FAM234A: variants seen among roughly 807,000 people sequenced by gnomAD.
FAM234A encodes protein FAM234A.
Under a neutral mutation model 49.1 loss-of-function variants are expected in FAM234A, and 42 were observed. The observed-to-expected ratio is 0.86, with a 90% confidence interval of 0.67 to 1.11. FAM234A has a LOEUF of 1.11. FAM234A is among the 50% of genes least tolerant of loss of function. The pLI is 0.00. For missense variants in FAM234A, 815 were observed against 745.2 expected (o/e 1.09, Z -1.09); for synonymous variants, 369 against 316.2 (o/e 1.17, Z -1.77).
At position 265,183 on chromosome 16, in the gene FAM234A, C is replaced by T. The variant is rs887854352; in HGVS notation, c.*161C>T. On this transcript the variant is annotated 3_prime_UTR_variant, in exon 13 of 13. Coordinates refer to ENST00000399932, the MANE Select transcript of FAM234A (RefSeq NM_032039.4). ...GCCTTACCAGTCCTCCATGATCACA[C>T]CCAGGGACCTGCATGGGTGAGGGGA... 75 of 1,422,298 alleles carry T rather than the reference C, an allele frequency of 5.3e-5. 1 individual carries two copies. The African/African-American group carries it at 9.2e-4, about 17-fold the overall frequency. The allele number at this position is 1,422,298 out of a possible 1,614,324, so 88.1% of individuals were successfully genotyped here. A position where few individuals can be genotyped will look rare whatever the true frequency, so the allele number is the denominator to read the frequency against.
At chr16:269,596 C>T (rs199521531), downstream of FAM234A, 11 of 1,607,086 alleles carry the variant, frequency 6.8e-6, no homozygotes, top group African/African-American at 1.5e-4. Context: ...CTACAAGAGA[C>T]AGCGTCCAGC....
chr16:246,699 G>T (rs1351714708), intron 1 of FAM234A, among the ~76,000 whole-genome samples: 1 of 150,920 alleles, frequency 6.6e-6, no homozygotes, highest in East Asian at 1.9e-4. Flanking sequence ...TATTACAGGC[G>T]TGAGCCACCA....
At chr16:249,849 C>T (rs997804787) in intron 2 of FAM234A, among the ~76,000 whole-genome samples, 195 bp downstream of exon 2, 45 of 152,122 alleles carry the variant, frequency 3.0e-4, no homozygotes, top group African/African-American at 9.9e-4. Context: ...AGTTTAAAGC[C>T]GTAAAGATAG....
At position 249,641 on chromosome 16, in the gene FAM234A, A is replaced by G. The variant is rs1468500713; in HGVS notation, c.-47A>G. 6.6e-6 allele frequency: 1 copy of G among 151,728 alleles called. No homozygotes were observed. The highest frequency in any genetic ancestry group is 1.5e-5 in the Non-Finnish European group (1 of 68,016). The allele number at this position is 151,728 out of a possible 1,614,324, so 9.4% of individuals were successfully genotyped here. A position where few individuals can be genotyped will look rare whatever the true frequency, so the allele number is the denominator to read the frequency against. ...TCCACATCGAGGACGTCCTCCGGGC[A>G]CTCCCACGACCAGGTAGGTGAGGAC... On this transcript the variant is annotated 5_prime_UTR_variant, in exon 2 of 13. Coordinates refer to ENST00000399932, the MANE Select transcript of FAM234A (RefSeq NM_032039.4).
intron 2 of FAM234A, chr16:254,130 GA>G: frequency 2.3e-6 from 1 of 442,100 alleles, no homozygotes; most frequent in Non-Finnish European, 4.1e-6. Context: ...GCGTGTTCTG[GA>G]TGAAAATAGT....
At chr16:235,177 T>G (rs2142157674) in intron 1 of FAM234A, among the ~76,000 whole-genome samples, 1 of 152,280 alleles carries the variant, frequency 6.6e-6, no homozygotes, top group East Asian at 1.9e-4. Flanking sequence ...TACCTCCCGG[T>G]AGGGAGCTCC....
At chr16:268,185 A>C (rs2051759817), downstream of FAM234A, 1 of 171,484 alleles carries the variant, frequency 5.8e-6, no homozygotes, top group African/African-American at 2.4e-5. Flanking sequence ...CACTACACAC[A>C]ATCACACACG....
chr16:263,564 A>C, intron 9 of FAM234A, 136 bp from the exon 10 acceptor site: 2 of 1,281,818 alleles, frequency 1.6e-6, no homozygotes, highest in South Asian at 2.6e-5. Context: ...CTTGCCCCAG[A>C]CGTCGGCTCC....
intron 9 of FAM234A, 45 bp downstream of exon 9, chr16:263,447 C>T (rs375884118): frequency 4.8e-5 from 77 of 1,595,376 alleles, no homozygotes; most frequent in South Asian, 1.5e-4. Context: ...CACCCCTTCC[C>T]GGCATCCCGG....
At chr16:237,893 G>A (rs779843432) in intron 1 of FAM234A, among the ~76,000 whole-genome samples, 2 of 151,744 alleles carry the variant, frequency 1.3e-5, no homozygotes, top group East Asian at 1.9e-4. Flanking sequence ...TAGTAAAGAC[G>A]GGGTTTCACC....
chr16:266,678 G>A (rs1322337344), downstream of FAM234A, among the ~76,000 whole-genome samples: 1 of 152,224 alleles, frequency 6.6e-6, no homozygotes, highest in Non-Finnish European at 1.5e-5. Flanking sequence ...GGGGGACGTG[G>A]GGGATGAGGT....
chr16:239,651 G>T (rs1286651186), intron 1 of FAM234A, among the ~76,000 whole-genome samples: 3 of 151,940 alleles, frequency 2.0e-5, no homozygotes, highest in Admixed American at 6.6e-5. Flanking sequence ...AATTTGTGGG[G>T]GAGTTGCAGG....
chr16:269,129 A>G (rs1439137278), downstream of FAM234A: 1 of 898,208 alleles, frequency 1.1e-6, no homozygotes, highest in Non-Finnish European at 1.8e-6. Context: ...CACCCCACAG[A>G]AGACTGGGCC....
chr16:269,579 A>T (rs145907522), downstream of FAM234A: 1 of 1,612,766 alleles, frequency 6.2e-7, no homozygotes, highest in African/African-American at 1.3e-5. Context: ...AACCTTGGGT[A>T]GGAGTCCTAC....
intron 1 of FAM234A, among the ~76,000 whole-genome samples, chr16:241,266 A>G (rs973920980): frequency 3.7e-5 from 4 of 109,450 alleles, no homozygotes; most frequent in African/African-American, 2.4e-4. Context: ...AGGTCTACAC[A>G]AAAAGAAAGA....
intron 1 of FAM234A, among the ~76,000 whole-genome samples, chr16:236,766 C>T (rs2050414653): frequency 7.6e-6 from 1 of 131,300 alleles, no homozygotes; most frequent in African/African-American, 2.7e-5. Context: ...ATTAGCCGGG[C>T]GAGGTGGCGG....
chr16:259,455 GAGTAT>G, intron 3 of FAM234A, 23 bp from the exon 4 acceptor site: 1 of 1,294,102 alleles, frequency 7.7e-7, no homozygotes, highest in Non-Finnish European at 1.1e-6. Context: ...ATGGCCCGCG[GAGTAT>G]AGTCTGTGGT....
At chr16:268,788 C>T (rs773754897), downstream of FAM234A, 44 of 1,549,960 alleles carry the variant, frequency 2.8e-5, no homozygotes, top group African/African-American at 1.8e-4. Context: ...TCACACTGGG[C>T]GACAGCGGAG....
chr16:265,527 T>C lies in FAM234A; in HGVS notation c.*505T>C. The C allele has an allele frequency of 2.0e-5, 20 of 986,328 alleles. No homozygotes were observed. Among genetic ancestry groups the C allele is most frequent in the Non-Finnish European group, 2.4e-5 (20 of 830,652 alleles). 61.1% of individuals were successfully genotyped at this position (986,328 alleles called of 1,614,324 possible). On this transcript the variant is annotated 3_prime_UTR_variant, in exon 13 of 13. Coordinates refer to ENST00000399932, the MANE Select transcript of FAM234A (RefSeq NM_032039.4). The stretch of plus-strand genomic sequence containing the variant: ...CCCCAAGGAGTCATGGAACTCAGGG[T>C]ACTGGGCCTCAACGGGAACCTGAGA...
Sources: allele counts gnomAD v4.1 joint callset (sites outside exome capture counted in the v4.1 genomes callset), GRCh38; gene constraint gnomAD v4.1.1; transcripts MANE v1.5; gene names NCBI Gene and HGNC (gene_info 2026-07-23, HGNC 2026-07-21).